The following GASK1B variants were observed in gnomAD, a reference collection of about 807,000 sequenced individuals.
The protein encoded by GASK1B is Golgi-associated kinase 1B.
GASK1B carries 34 observed loss-of-function variants against 42.8 expected under a neutral mutation model. That is an observed-to-expected ratio of 0.79 (90% CI 0.60 to 1.06). The LOEUF is 1.06. GASK1B is among the 50% of genes least tolerant of loss of function. GASK1B has a pLI of 0.00. For missense variants in GASK1B, 686 were observed against 661.0 expected (o/e 1.04, Z -0.42); for synonymous variants, 262 against 259.1 (o/e 1.01, Z -0.11).
chr4:158,125,019 T>C lies in GASK1B; in HGVS notation c.*2388A>G, dbSNP rs1730396277. The C allele has an allele frequency of 6.6e-6, 1 of 152,220 alleles. No individual in the cohort carries two copies. The highest frequency in any genetic ancestry group is 2.4e-5 in the African/African-American group (1 of 41,466). The allele number at this position is 152,220 out of a possible 1,614,324, so 9.4% of individuals were successfully genotyped here. On this transcript the variant is annotated 3_prime_UTR_variant, in exon 5 of 5. Coordinates refer to ENST00000585682, the MANE Select transcript of GASK1B (RefSeq NM_001128424.2). ...GTTATAAATAAAACACATATTGTGC[T>C]TATGTGAATAAAACCACAGCATAAT... is the stretch of plus-strand genomic sequence containing the variant.
At chr4:158,146,012 TTTA>T (rs1731316689) in intron 3 of GASK1B, among the ~76,000 whole-genome samples, 1 of 152,244 alleles carries the variant, frequency 6.6e-6, no homozygotes, top group Non-Finnish European at 1.5e-5. Context: ...GTTTGATTCT[TTTA>T]TTTTCTAAAC....
chr4:158,151,494 A>G (rs559030204), intron 3 of GASK1B, among the ~76,000 whole-genome samples: 47 of 152,330 alleles, frequency 3.1e-4, no homozygotes, highest in South Asian at 6.2e-4. Flanking sequence ...ATGGGGTAAG[A>G]CTATTCCTCA....
chr4:158,151,122 A>G (rs1731540067), intron 3 of GASK1B, among the ~76,000 whole-genome samples: 2 of 152,240 alleles, frequency 1.3e-5, no homozygotes, highest in Admixed American at 6.5e-5. Flanking sequence ...AAAATGGGCG[A>G]AGGGAAAGGG....
chr4:158,157,712 C>T (rs750816649), intron 2 of GASK1B, among the ~76,000 whole-genome samples: 1 of 152,032 alleles, frequency 6.6e-6, no homozygotes, highest in Non-Finnish European at 1.5e-5. Flanking sequence ...CAAATCAACA[C>T]GCGGGTCAGA....
Position 158,127,355 on chromosome 4 carries a change from A to G in GASK1B, c.*52T>C. ...AGGTTGATGTGCTTGATTTAAAAAC[A>G]AAACCAAAAATGCATAAATATATCT... On this transcript the variant is annotated 3_prime_UTR_variant, in exon 5 of 5. Transcript: ENST00000585682. 6.5e-7 allele frequency: 1 copy of G among 1,532,998 alleles called. No homozygotes were observed. The highest frequency in any genetic ancestry group is 8.9e-7 in the Non-Finnish European group (1 of 1,121,210). The allele number at this position is 1,532,998 out of a possible 1,614,324, so 95.0% of individuals were successfully genotyped here. A position where few individuals can be genotyped will look rare whatever the true frequency, so the allele number is the denominator to read the frequency against.
At chr4:158,131,741 A>T (rs865918122) in intron 3 of GASK1B, among the ~76,000 whole-genome samples, 11 of 152,314 alleles carry the variant, frequency 7.2e-5, no homozygotes, top group Middle Eastern at 3.4e-3. Flanking sequence ...AGGTAAAATA[A>T]AGCCTGGGCA....
chr4:158,171,491 T>G lies in GASK1B; in HGVS notation c.-116A>C. On this transcript the variant is annotated 5_prime_UTR_variant, in exon 2 of 5. Transcript: ENST00000585682. ...CGTCCGCTTCGGGATATAAGTGGTC[T>G]CCAGTGGGCAGAGGTGGAAGGAAAG... The G allele has an allele frequency of 8.8e-7, 1 of 1,136,010 alleles. No individual in the cohort carries two copies. Among genetic ancestry groups the G allele is most frequent in the East Asian group, 2.6e-5 (1 of 38,470 alleles). The allele number at this position is 1,136,010 out of a possible 1,614,324, so 70.4% of individuals were successfully genotyped here.
intron 3 of GASK1B, among the ~76,000 whole-genome samples, chr4:158,141,912 T>TAAGCTCCGCTTCCTGG (rs1560780864): frequency 1.1e-4 from 14 of 125,980 alleles, no homozygotes; most frequent in South Asian, 2.7e-4. Context: ...CGGCCGATGT[T>TAAGCTCCGCTTCCTGG]GTGGTTTCTT....
chr4:158,127,725 T>C (rs774635287), intron 4 of GASK1B, 111 bp from the exon 5 acceptor site: 1 of 959,158 alleles, frequency 1.0e-6, no homozygotes, highest in Non-Finnish European at 1.5e-6. Context: ...ACAAATGGTA[T>C]CTTTGAGAAC....
At chr4:158,161,951 C>T (rs1409487945) in intron 2 of GASK1B, among the ~76,000 whole-genome samples, 1 of 152,144 alleles carries the variant, frequency 6.6e-6, no homozygotes, top group Non-Finnish European at 1.5e-5. Context: ...ACATAAAACA[C>T]ACTCACTCTC....
rs1243894111 is a variant in GASK1B at position 158,125,803 on chromosome 4, T to G, written c.*1604A>C. On this transcript the variant is annotated 3_prime_UTR_variant, in exon 5 of 5. Transcript: ENST00000585682. ...AGCCTAGAAAAGCTACAATTAGATT[T>G]TCAAATGATCTCTCTCTCCTTGGTC... is the stretch of plus-strand genomic sequence containing the variant. 6.6e-6 allele frequency: 1 copy of G among 152,148 alleles called. No homozygotes were observed. Among genetic ancestry groups the G allele is most frequent in the Non-Finnish European group, 1.5e-5 (1 of 68,010 alleles). The allele number at this position is 152,148 out of a possible 1,614,324, so 9.4% of individuals were successfully genotyped here. A position where few individuals can be genotyped will look rare whatever the true frequency, so the allele number is the denominator to read the frequency against.
chr4:158,172,987 A>AT lies in GASK1B; in HGVS notation c.-345dup, dbSNP rs1732623383. On this transcript the variant is annotated 5_prime_UTR_variant, in exon 1 of 5. It introduces an in-frame stop codon into an upstream open reading frame of the 5' UTR. Transcript: ENST00000585682. ...TGAGGAGAAAAAATAGAACAGTGAG[A>AT]TAAGAGTACACACAGATAAGGAAAG... 2 of 152,266 alleles carry AT rather than the reference A, an allele frequency of 1.3e-5. No individual in the cohort carries two copies. Among genetic ancestry groups the AT allele is most frequent in the African/African-American group, 4.8e-5 (2 of 41,468 alleles). 9.4% of individuals were successfully genotyped at this position (152,266 alleles called of 1,614,324 possible). A position where few individuals can be genotyped will look rare whatever the true frequency, so the allele number is the denominator to read the frequency against.
At chr4:158,160,854 G>A (rs1731951381) in intron 2 of GASK1B, among the ~76,000 whole-genome samples, 1 of 152,042 alleles carries the variant, frequency 6.6e-6, no homozygotes, top group Admixed American at 6.6e-5. Context: ...AAATAATACA[G>A]GCACAGAAAG....
At chr4:158,128,921 A>G (rs987443532) in intron 4 of GASK1B, among the ~76,000 whole-genome samples, 2 of 152,220 alleles carry the variant, frequency 1.3e-5, no homozygotes, top group African/African-American at 4.8e-5. Flanking sequence ...ATGAATTGTC[A>G]ATTCTATAGC....
chr4:158,135,320 CAAA>C (rs1219141206), intron 3 of GASK1B, among the ~76,000 whole-genome samples: 2 of 56,236 alleles, frequency 3.6e-5, no homozygotes, highest in African/African-American at 7.0e-5. Flanking sequence ...GACTCCGTCT[CAAA>C]AAAAAAAAAA....
intron 2 of GASK1B, among the ~76,000 whole-genome samples, chr4:158,157,354 T>C (rs930487384): frequency 6.6e-6 from 1 of 152,084 alleles, no homozygotes; most frequent in Non-Finnish European, 1.5e-5. Flanking sequence ...CTTTTTACCT[T>C]AGTAAATGAT....
rs1462873739 is a variant in GASK1B, at chr4:158,127,504, C to T, written c.1463G>A (p.Gly488Glu). The T allele has an allele frequency of 6.2e-7, 1 of 1,613,762 alleles. No homozygotes were observed. The highest frequency in any genetic ancestry group is 8.5e-7 in the Non-Finnish European group (1 of 1,179,802). The change falls in exon 5 of 5, where the codon GGA becomes GAA. Residue 488 changes from glycine to glutamate, a missense_variant. Physicochemically the swap from Gly to Glu is moderately conservative, Grantham distance 98. Transcript: ENST00000585682. The stretch of plus-strand genomic sequence containing the variant: ...TATTACATCGATAAGCTTTTCAATT[C>T]CTTGTCTACCTCCTTGACTTTCCCA... ...VYWESQGGRQ[G>E]IEKLIDVIEH...
chr4:158,126,301 T>C lies in GASK1B; in HGVS notation c.*1106A>G, dbSNP rs1730451861. ...GTGTTAGAAGGAGTTTGGAGATGAT[T>C]ATTTGAGGCTTAATATTGTCCAAAT... On this transcript the variant is annotated 3_prime_UTR_variant, in exon 5 of 5. Coordinates refer to ENST00000585682, the MANE Select transcript of GASK1B (RefSeq NM_001128424.2). 1 of 152,162 alleles carries C rather than the reference T, an allele frequency of 6.6e-6. No individual in the cohort carries two copies. 9.4% of individuals were successfully genotyped at this position (152,162 alleles called of 1,614,324 possible). A position where few individuals can be genotyped will look rare whatever the true frequency, so the allele number is the denominator to read the frequency against.
At chr4:158,164,691 T>G (rs1732158424) in intron 2 of GASK1B, among the ~76,000 whole-genome samples, 1 of 152,188 alleles carries the variant, frequency 6.6e-6, no homozygotes, top group Admixed American at 6.5e-5. Flanking sequence ...TTTCTAGGAT[T>G]TGGAAGCCAG....
Sources: gnomAD v4.1 joint callset for allele counts (sites outside exome capture counted in the v4.1 genomes callset) on GRCh38, gnomAD v4.1.1 for gene constraint, MANE v1.5 for transcripts, NCBI Gene and HGNC (gene_info 2026-07-23, HGNC 2026-07-21) for gene names.